Variants in HOMER1 observed in about 807,000 individuals in gnomAD.
HOMER1 encodes the protein homer protein homolog 1.
HOMER1 carries 3 observed loss-of-function variants against 48.9 expected under a neutral mutation model. That is an observed-to-expected ratio of 0.06 (90% CI 0.03 to 0.16). The LOEUF is 0.16. Ranked by LOEUF, HOMER1 falls within the 10% of genes least tolerant of loss-of-function variation. HOMER1 has a pLI of 1.00. For missense variants in HOMER1, 247 were observed against 411.4 expected (o/e 0.60, Z 3.46); for synonymous variants, 134 against 146.4 (o/e 0.92, Z 0.61).
At chr5:79,400,741 T>A (rs1264942067) in intron 6 of HOMER1, among the ~76,000 whole-genome samples, 16 of 145,292 alleles carry the variant, frequency 1.1e-4, no homozygotes, top group East Asian at 1.0e-3. Flanking sequence ...AAAAACTTCT[T>A]CTTTTTTTTT....
chr5:79,384,661 T>C (rs976207218), intron 8 of HOMER1, among the ~76,000 whole-genome samples: 2 of 152,102 alleles, frequency 1.3e-5, no homozygotes, highest in African/African-American at 4.8e-5. Context: ...CCAGCATTAC[T>C]CTGATACCAA....
intron 1 of HOMER1, among the ~76,000 whole-genome samples, chr5:79,467,845 G>C (rs6876899): frequency 0.54 from 82,579 of 151,844 alleles, 23,513 homozygotes; most frequent in South Asian, 0.71. Context: ...GGTGCGATCA[G>C]AGCTCACTTC....
intron 6 of HOMER1, among the ~76,000 whole-genome samples, chr5:79,400,739 CTTCTT>C (rs1749514170): frequency 1.7e-5 from 2 of 117,778 alleles, no homozygotes; most frequent in Non-Finnish European, 1.7e-5. Context: ...AAAAAAACTT[CTTCTT>C]TTTTTTTTTT....
intron 6 of HOMER1, 88 bp downstream of exon 6, chr5:79,401,811 A>C: frequency 8.1e-7 from 1 of 1,234,080 alleles, no homozygotes; most frequent in Non-Finnish European, 1.2e-6. Context: ...ACTAGAAGAT[A>C]TCCCTGTGCT....
chr5:79,427,983 G>T (rs35601466), intron 5 of HOMER1, among the ~76,000 whole-genome samples: 38,574 of 152,032 alleles, frequency 0.25, 6,021 homozygotes, highest in East Asian at 0.75. Flanking sequence ...TTTGGAGAGA[G>T]AAAATGCTAG....
At chr5:79,388,474 T>A (rs1462099421) in intron 8 of HOMER1, among the ~76,000 whole-genome samples, 3 of 152,106 alleles carry the variant, frequency 2.0e-5, no homozygotes, top group Non-Finnish European at 4.4e-5. Flanking sequence ...TAGAAAATAC[T>A]AAAAACACTT....
chr5:79,492,658 G>A (rs1752312746), intron 1 of HOMER1, among the ~76,000 whole-genome samples: 1 of 152,066 alleles, frequency 6.6e-6, no homozygotes, highest in African/African-American at 2.4e-5. Context: ...ACTTTCCATA[G>A]GACTTGGTTT....
Position 79,376,032 on chromosome 5 carries a change from C to T in HOMER1, c.1042G>A (p.Ala348Thr). Reference protein sequence around the residue: ...FELTELRDNLAKLLECS With the variant: ...FELTELRDNLTKLLECS ...CCTTAGCTGCATTCTAGTAGCTTGGCCAAGTTATCTCGTAATTCTGTTAGT... is the reference window on the plus strand; with the variant it reads ...CCTTAGCTGCATTCTAGTAGCTTGGTCAAGTTATCTCGTAATTCTGTTAGT... Residue 348 changes from alanine to threonine, a missense_variant, in exon 9 of 9, where the codon GCC (alanine) becomes ACC (threonine). Around this residue, in one of 4 missense-constraint regions of HOMER1, gnomAD observed 113 missense variants for 152.5 expected, o/e 0.74. Coordinates refer to ENST00000334082, the MANE Select transcript of HOMER1 (RefSeq NM_004272.5). 4.3e-6 allele frequency: 7 copies of T among 1,610,958 alleles called. No individual in the cohort carries two copies. Among genetic ancestry groups the T allele is most frequent in the Non-Finnish European group, 5.9e-6 (7 of 1,178,760 alleles).
rs1215057622 is a variant in HOMER1 at position 79,376,081 on chromosome 5, T to C, written c.993A>G (p.Glu331=). The change falls in exon 9 of 9, where the codon GAA becomes GAG. Residue 331 remains glutamate (E), a synonymous_variant. Coordinates refer to ENST00000334082, the MANE Select transcript of HOMER1 (RefSeq NM_004272.5). Reference sequence around the variant, plus strand: ...GTTCAAATATCTTTCCATCCAGAATTTCTAAGAGTGTCTTCAGGTTATTGC... The same window carrying C: ...GTTCAAATATCTTTCCATCCAGAATCTCTAAGAGTGTCTTCAGGTTATTGC... ...AFRNNLKTLL[E]ILDGKIFELT... is the part of the protein sequence containing the mutation. 1.9e-6 allele frequency: 3 copies of C among 1,613,806 alleles called. No homozygotes were observed. The South Asian group carries it at 3.3e-5, about 18-fold the overall frequency.
intron 1 of HOMER1, among the ~76,000 whole-genome samples, chr5:79,481,466 G>A (rs554340783): frequency 2.6e-5 from 4 of 152,326 alleles, no homozygotes; most frequent in African/African-American, 9.6e-5. Flanking sequence ...ACAGAGCCCT[G>A]AGTTTAAGAC....
chr5:79,430,184 A>C (rs1750383956), intron 5 of HOMER1, among the ~76,000 whole-genome samples: 1 of 152,202 alleles, frequency 6.6e-6, no homozygotes, highest in African/African-American at 2.4e-5. Flanking sequence ...ACAAAGAGAC[A>C]AACAGTCTAA....
rs78778728 is a variant in HOMER1, at chr5:79,457,022, C to A, written c.6-4G>T. ...AGTGCTGAAGATAGGTTGTTCCCTG[C>A]AGGGCAGAAAAGAAAATGATGGACT... On this transcript the variant is annotated splice_polypyrimidine_tract_variant and splice_region_variant and intron_variant, in intron 1 of 8. Transcript: ENST00000334082. 0.022 allele frequency: 35,921 copies of A among 1,613,448 alleles called. 460 individuals are homozygous for A. The highest frequency in any genetic ancestry group is 0.026 in the Non-Finnish European group (30,576 of 1,179,434).
At chr5:79,474,184 T>C (rs1751693555) in intron 1 of HOMER1, among the ~76,000 whole-genome samples, 1 of 150,204 alleles carries the variant, frequency 6.7e-6, no homozygotes, top group African/African-American at 2.4e-5. Context: ...ACTAAAGGTG[T>C]GCACCATCAT....
At chr5:79,499,123 C>T (rs140072474) in intron 1 of HOMER1, among the ~76,000 whole-genome samples, 4 of 152,110 alleles carry the variant, frequency 2.6e-5, no homozygotes, top group East Asian at 1.9e-4. Context: ...CATAAGCCAC[C>T]GTCCCCAGCC....
At position 79,410,090 on chromosome 5, in the gene HOMER1, A is replaced by T. The variant is rs540982486; in HGVS notation, c.528-8035T>A. ...CTTTTTTCTTAGATACCAAAAATAAATTTTTATAATAAAACATAGGTATTA... is the reference window on the plus strand; with the variant it reads ...CTTTTTTCTTAGATACCAAAAATAATTTTTTATAATAAAACATAGGTATTA... On this transcript the variant is annotated intron_variant, in intron 5 of 8. Transcript: ENST00000334082. Among the ~76,000 whole-genome samples the T allele has an allele frequency of 2.3e-3, 346 of 152,346 alleles. 1 individual carries two copies. Among genetic ancestry groups the T allele is most frequent in the Non-Finnish European group, 3.6e-3 (248 of 68,034 alleles).
chr5:79,448,416 T>C (rs1249205436), intron 3 of HOMER1, among the ~76,000 whole-genome samples: 1 of 152,160 alleles, frequency 6.6e-6, no homozygotes. Context: ...TGTATATCCT[T>C]AGTTTTCAGC....
chr5:79,422,153 G>T (rs1039050647), intron 5 of HOMER1, among the ~76,000 whole-genome samples: 3 of 151,914 alleles, frequency 2.0e-5, no homozygotes, highest in Middle Eastern at 3.4e-3. Context: ...CTTGAACACG[G>T]GAGACAGAGG....
chr5:79,466,222 A>G (rs1468740191), intron 1 of HOMER1, among the ~76,000 whole-genome samples: 2 of 152,076 alleles, frequency 1.3e-5, no homozygotes, highest in African/African-American at 4.8e-5. Context: ...CACATTTAAA[A>G]TTACATTTTT....
intron 5 of HOMER1, among the ~76,000 whole-genome samples, chr5:79,426,144 GA>G (rs1320579690): frequency 6.6e-6 from 1 of 151,914 alleles, no homozygotes; most frequent in African/African-American, 2.4e-5. Context: ...GGTGAGGATA[GA>G]AAGTGGAAAG....
Sources: allele counts gnomAD v4.1 joint callset (sites outside exome capture counted in the v4.1 genomes callset), GRCh38; gene constraint gnomAD v4.1.1; regional missense constraint gnomAD v4.1.1; transcripts MANE v1.5; gene names NCBI Gene and HGNC (gene_info 2026-07-23, HGNC 2026-07-21).